Variants in GSG1L observed in about 807,000 individuals in gnomAD.
GSG1L encodes germ cell-specific gene 1-like protein.
GSG1L carries 24 observed loss-of-function variants against 42.1 expected under a neutral mutation model. The ratio of observed to expected loss-of-function variants is 0.57; its 90% CI spans 0.41 to 0.80. GSG1L has a LOEUF of 0.80. GSG1L is among the 30% of genes least tolerant of loss of function. The pLI is 0.00. For synonymous variants in GSG1L, 215 were observed against 203.5 expected, an observed-to-expected ratio of 1.06 and a Z score of -0.48; for missense variants, 445 against 472.2, an observed-to-expected ratio of 0.94 and a Z score of 0.53.
chr16:27,923,734 G>GAAA (rs11425016), intron 2 of GSG1L, among the ~76,000 whole-genome samples: 96 of 129,038 alleles, frequency 7.4e-4, no homozygotes, highest in East Asian at 2.4e-3. Context: ...ACTCTGTCAA[G>GAAA]AAAAAAAAAA....
chr16:27,963,595 C>T (rs574034855), intron 1 of GSG1L, among the ~76,000 whole-genome samples: 8 of 152,274 alleles, frequency 5.3e-5, no homozygotes, highest in South Asian at 2.1e-4. Context: ...ATCCAACACA[C>T]GCACACACAC....
At chr16:27,953,709 T>C (rs886128039) in intron 2 of GSG1L, among the ~76,000 whole-genome samples, 6 of 152,024 alleles carry the variant, frequency 3.9e-5, no homozygotes, top group Non-Finnish European at 7.4e-5. Flanking sequence ...TGAAACCTCA[T>C]CTCTACTAAA....
At chr16:27,845,297 G>A (rs192749433) in intron 3 of GSG1L, among the ~76,000 whole-genome samples, 3 of 152,300 alleles carry the variant, frequency 2.0e-5, no homozygotes, top group African/African-American at 7.2e-5. Context: ...CCAGGCTGAA[G>A]TGCAGTGGCA....
rs190921381 is a variant in GSG1L, at chr16:28,057,440, G to C, written c.349+5636C>G. ...GAGGGCAGAACTGGTTGGTGGGGGGGCACCGTGGATTCCCCCAAGGGGCAG... is the reference window on the plus strand; with the variant it reads ...GAGGGCAGAACTGGTTGGTGGGGGGCCACCGTGGATTCCCCCAAGGGGCAG... On this transcript the variant is annotated intron_variant, in intron 1 of 6. Transcript: ENST00000447459. Among the ~76,000 whole-genome samples the C allele has an allele frequency of 3.4e-3, 512 of 152,260 alleles. 2 individuals are homozygous for C. The highest frequency in any genetic ancestry group is 5.5e-3 in the Non-Finnish European group (377 of 68,002).
In GSG1L at chr16:27,951,197, T is replaced by C. The variant is rs74015176; in HGVS notation, c.397+11959A>G. ...CAGGTGAGCCAGCCTCTGCTGTGAG[T>C]TGACTGACAATGGCCAGGCATCATA... On this transcript the variant is annotated intron_variant, in intron 2 of 6. Coordinates refer to ENST00000447459, the MANE Select transcript of GSG1L (RefSeq NM_001109763.2). Among the ~76,000 whole-genome samples the C allele has an allele frequency of 4.1e-3, 625 of 151,934 alleles. 9 individuals are homozygous for C. Among genetic ancestry groups the C allele is most frequent in the African/African-American group, 0.014 (596 of 41,400 alleles).
At chr16:28,055,455 T>TC (rs1228563862) in intron 1 of GSG1L, among the ~76,000 whole-genome samples, 1 of 149,022 alleles carries the variant, frequency 6.7e-6, no homozygotes, top group Non-Finnish European at 1.5e-5. Context: ...TCTAATAAAC[T>TC]CCCCCTTTTA....
chr16:27,823,330 C>T (rs912645766), intron 5 of GSG1L, among the ~76,000 whole-genome samples: 5 of 152,160 alleles, frequency 3.3e-5, no homozygotes, highest in East Asian at 1.9e-4. Flanking sequence ...CATACGCACA[C>T]GCACACAGAC....
intron 2 of GSG1L, among the ~76,000 whole-genome samples, chr16:27,921,530 G>A (rs2084524225): frequency 6.6e-6 from 1 of 152,028 alleles, no homozygotes; most frequent in African/African-American, 2.4e-5. Flanking sequence ...ACAAACCCCA[G>A]GTACATGAAT....
At chr16:27,801,769 C>T (rs563150486) in intron 6 of GSG1L, among the ~76,000 whole-genome samples, 4 of 152,214 alleles carry the variant, frequency 2.6e-5, no homozygotes, top group Admixed American at 6.5e-5. Flanking sequence ...TCAGACCGGC[C>T]GGGTTCAAAT....
chr16:27,957,074 T>G (rs914132684), intron 2 of GSG1L, among the ~76,000 whole-genome samples: 1 of 152,158 alleles, frequency 6.6e-6, no homozygotes, highest in Non-Finnish European at 1.5e-5. Context: ...ATCAACTGGG[T>G]GCGGTGGCTC....
At chr16:27,934,457 C>G (rs1263010613) in intron 2 of GSG1L, among the ~76,000 whole-genome samples, 1 of 152,140 alleles carries the variant, frequency 6.6e-6, no homozygotes, top group Non-Finnish European at 1.5e-5. Context: ...ATCGCTTGAA[C>G]CTGGGAGGCG....
chr16:28,010,050 G>T (rs910192716), intron 1 of GSG1L, among the ~76,000 whole-genome samples: 6 of 152,180 alleles, frequency 3.9e-5, no homozygotes, highest in African/African-American at 1.2e-4. Flanking sequence ...GCGCCAACAG[G>T]AAAGGCTTCA....
chr16:28,004,497 G>A (rs916982206), intron 1 of GSG1L, among the ~76,000 whole-genome samples: 4 of 151,614 alleles, frequency 2.6e-5, no homozygotes, highest in Admixed American at 6.6e-5. Flanking sequence ...AAAGGAGGCC[G>A]GGCAGGGTAG....
chr16:27,859,066 G>A (rs949236146), intron 3 of GSG1L, among the ~76,000 whole-genome samples: 8 of 151,938 alleles, frequency 5.3e-5, no homozygotes, highest in Non-Finnish European at 1.0e-4. Context: ...GAGGTTAAGA[G>A]GTGGGTGAGA....
At chr16:28,039,425 C>T (rs775715558) in intron 1 of GSG1L, among the ~76,000 whole-genome samples, 11 of 152,136 alleles carry the variant, frequency 7.2e-5, no homozygotes, top group Admixed American at 1.3e-4. Context: ...AAAAACTCTA[C>T]GATGCACAGG....
chr16:28,020,433 T>C (rs74016607), intron 1 of GSG1L, among the ~76,000 whole-genome samples: 1,559 of 152,248 alleles, frequency 0.01, 30 homozygotes, highest in African/African-American at 0.035. Flanking sequence ...ACAATAACGA[T>C]AACTAGTGCT....
chr16:28,016,943 A>G (rs2085787764), intron 1 of GSG1L, among the ~76,000 whole-genome samples: 1 of 152,196 alleles, frequency 6.6e-6, no homozygotes, highest in Admixed American at 6.5e-5. Flanking sequence ...CAACTCTGAG[A>G]ATCCTAGATC....
At chr16:27,860,399 G>A (rs185419000) in intron 3 of GSG1L, among the ~76,000 whole-genome samples, 5 of 152,336 alleles carry the variant, frequency 3.3e-5, no homozygotes, top group Admixed American at 6.5e-5. Context: ...CAGCAGGTCC[G>A]GAAGCCCCCA....
chr16:27,803,431 G>A (rs988874928), intron 6 of GSG1L, among the ~76,000 whole-genome samples: 2 of 152,116 alleles, frequency 1.3e-5, no homozygotes, highest in South Asian at 2.1e-4. Context: ...CAGCAGGCTC[G>A]ACGCTGTGCC....
Sources: allele counts gnomAD v4.1 joint callset (sites outside exome capture counted in the v4.1 genomes callset), GRCh38; gene constraint gnomAD v4.1.1; transcripts MANE v1.5; gene names NCBI Gene and HGNC (gene_info 2026-07-23, HGNC 2026-07-21).